The following FSTL5 variants were observed in gnomAD, a reference collection of about 807,000 sequenced individuals.
FSTL5 encodes the protein follistatin-related protein 5.
A neutral mutation model predicts 89.1 loss-of-function variants in FSTL5; 62 were observed. That is an observed-to-expected ratio of 0.70 (90% CI 0.57 to 0.86). The LOEUF is 0.86. FSTL5 is among the 40% of genes least tolerant of loss of function. The pLI, the probability that FSTL5 is intolerant of heterozygous loss-of-function variation, is 0.00. For synonymous variants in FSTL5, 383 were observed against 346.2 expected (o/e 1.11, Z -1.18); for missense variants, 1,057 against 1,001.6 (o/e 1.06, Z -0.75).
At chr4:162,125,587 T>A (rs1304156031) in intron 1 of FSTL5, among the ~76,000 whole-genome samples, 4 of 152,064 alleles carry the variant, frequency 2.6e-5, no homozygotes, top group Non-Finnish European at 5.9e-5. Flanking sequence ...ACTACTAGAG[T>A]TTGATAATAA....
At chr4:161,823,471 A>G (rs1718660829) in intron 4 of FSTL5, among the ~76,000 whole-genome samples, 2 of 152,196 alleles carry the variant, frequency 1.3e-5, no homozygotes, top group Admixed American at 6.5e-5. Context: ...AGGTTACAAC[A>G]ACAGCCAGGC....
intron 15 of FSTL5, chr4:161,387,790 A>C (rs1393255191): frequency 1.3e-5 from 2 of 152,074 alleles, no homozygotes; most frequent in East Asian, 3.8e-4. Context: ...TTCTTCTTAC[A>C]TTAAATATAG....
intron 2 of FSTL5, among the ~76,000 whole-genome samples, chr4:162,038,930 T>C (rs1011624792): frequency 6.6e-6 from 1 of 151,868 alleles, no homozygotes; most frequent in African/African-American, 2.4e-5. Flanking sequence ...CTTTTCATAC[T>C]ATAAGCTTAA....
At position 161,459,307 on chromosome 4, in the gene FSTL5, C is replaced by A. The variant is rs771928794; in HGVS notation, c.1621G>T (p.Asp541Tyr). ...TAGTGTAATTTAACTGGGACAGGGT[C>A]TGTGCTCACTGCCTACAATAAAGAA... Reference protein sequence around the residue: ...SQKVVQAVSTDPVPVKLHYDK... With the variant: ...SQKVVQAVSTYPVPVKLHYDK... Residue 541 changes from aspartate to tyrosine, a missense_variant, in exon 14 of 16, where the codon GAC becomes TAC. Asp to Tyr is a radical substitution (Grantham distance 160). This residue lies in a region of FSTL5 where 980 missense variants were observed against 903.2 expected (regional missense o/e 1.08). Transcript: ENST00000306100. The A allele has an allele frequency of 6.8e-6, 11 of 1,607,756 alleles. No individual in the cohort carries two copies. The Admixed American group carries it at 8.3e-5, about 12-fold the overall frequency.
rs143477663 is a variant in FSTL5 at position 161,561,051 on chromosome 4, T to C, written c.1016-18358A>G. Among the ~76,000 whole-genome samples, 375 of 152,058 alleles carry C rather than the reference T, an allele frequency of 2.5e-3. 2 individuals are homozygous for C. The highest frequency in any genetic ancestry group is 8.2e-3 in the African/African-American group (340 of 41,530). On this transcript the variant is annotated intron_variant, in intron 8 of 15. Coordinates refer to ENST00000306100, the MANE Select transcript of FSTL5 (RefSeq NM_020116.5). ...ATCACCACAGATGTGAGTAATGCAT[T>C]GTACTGTGACATTACAATAGCTACG... is the stretch of plus-strand genomic sequence containing the variant.
intron 6 of FSTL5, among the ~76,000 whole-genome samples, chr4:161,661,076 T>C (rs1199204593): frequency 1.3e-5 from 2 of 152,172 alleles, no homozygotes; most frequent in Non-Finnish European, 2.9e-5. Flanking sequence ...AATTCCTCAA[T>C]GACCTCATAT....
intron 7 of FSTL5, among the ~76,000 whole-genome samples, chr4:161,628,421 T>C (rs1735387102): frequency 6.6e-6 from 1 of 152,100 alleles, no homozygotes; most frequent in Non-Finnish European, 1.5e-5. Flanking sequence ...CAACCAGAAA[T>C]ATGACAGCCT....
At chr4:161,902,806 G>A (rs1167685546) in intron 4 of FSTL5, among the ~76,000 whole-genome samples, 1 of 152,048 alleles carries the variant, frequency 6.6e-6, no homozygotes, top group Admixed American at 6.5e-5. Context: ...CCGAGATCGC[G>A]CCACTGCACT....
intron 4 of FSTL5, among the ~76,000 whole-genome samples, chr4:161,913,982 G>A (rs1733770866): frequency 6.6e-6 from 1 of 152,072 alleles, no homozygotes; most frequent in Non-Finnish European, 1.5e-5. Flanking sequence ...TAAAACTTCG[G>A]GGGACTGTTG....
chr4:161,695,971 C>T (rs1738149459), intron 6 of FSTL5, among the ~76,000 whole-genome samples: 1 of 152,094 alleles, frequency 6.6e-6, no homozygotes, highest in African/African-American at 2.4e-5. Flanking sequence ...TAATTAAGTC[C>T]CAGCAATTTA....
chr4:161,620,946 T>A (rs1054497392), intron 7 of FSTL5, among the ~76,000 whole-genome samples: 1 of 151,784 alleles, frequency 6.6e-6, no homozygotes, highest in Admixed American at 6.6e-5. Flanking sequence ...TAATCAATAA[T>A]TGGTATCACT....
intron 12 of FSTL5, among the ~76,000 whole-genome samples, chr4:161,491,669 C>T (rs1306087725): frequency 2.6e-5 from 4 of 151,912 alleles, no homozygotes; most frequent in East Asian, 1.9e-4. Context: ...GCTGAAACCC[C>T]GTCTCTACTA....
chr4:161,425,273 GAATA>G (rs1732132491), intron 15 of FSTL5, among the ~76,000 whole-genome samples: 1 of 152,106 alleles, frequency 6.6e-6, no homozygotes, highest in Non-Finnish European at 1.5e-5. Context: ...AGCTAGGAAA[GAATA>G]TATATATATC....
chr4:161,982,326 A>G (rs1341867830), intron 3 of FSTL5, among the ~76,000 whole-genome samples: 1 of 152,224 alleles, frequency 6.6e-6, no homozygotes, highest in East Asian at 1.9e-4. Flanking sequence ...CCTCTTGCCA[A>G]CAGTATTCAT....
intron 5 of FSTL5, among the ~76,000 whole-genome samples, chr4:161,770,095 A>G (rs1193180852): frequency 1.3e-5 from 2 of 152,018 alleles, no homozygotes; most frequent in Non-Finnish European, 2.9e-5. Context: ...ATTATGTTAC[A>G]TGAAATAAGC....
intron 13 of FSTL5, among the ~76,000 whole-genome samples, chr4:161,474,110 A>G (rs746668645): frequency 4.6e-5 from 7 of 151,876 alleles, no homozygotes; most frequent in African/African-American, 1.2e-4. Flanking sequence ...TCTTTTGTCT[A>G]TATTCTGCAG....
intron 2 of FSTL5, among the ~76,000 whole-genome samples, chr4:162,045,406 A>C (rs1738132663): frequency 6.6e-6 from 1 of 152,096 alleles, no homozygotes; most frequent in Admixed American, 6.6e-5. Context: ...AAACAGTAAT[A>C]ATTGTAACAT....
chr4:161,523,696 G>A (rs1020917437), intron 10 of FSTL5, among the ~76,000 whole-genome samples: 3 of 152,120 alleles, frequency 2.0e-5, no homozygotes, highest in East Asian at 1.9e-4. Flanking sequence ...TCCACAATAC[G>A]TATTTCTCCT....
intron 1 of FSTL5, among the ~76,000 whole-genome samples, chr4:162,156,184 A>T (rs2110749912): frequency 6.6e-6 from 1 of 152,270 alleles, no homozygotes. Flanking sequence ...AAATCAAACC[A>T]CAGTAAGACA....
Sources: allele counts gnomAD v4.1 joint callset (sites outside exome capture counted in the v4.1 genomes callset), GRCh38; gene constraint gnomAD v4.1.1; regional missense constraint gnomAD v4.1.1; transcripts MANE v1.5; gene names NCBI Gene and HGNC (gene_info 2026-07-23, HGNC 2026-07-21).